Variants in LTA observed in about 807,000 individuals in gnomAD.
LTA encodes the protein lymphotoxin-alpha.
Under a neutral mutation model 15.1 loss-of-function variants are expected in LTA, and 6 were observed. That is an observed-to-expected ratio of 0.40 (90% CI 0.22 to 0.78). The LOEUF is 0.78. Ranked by LOEUF, LTA falls within the 30% of genes least tolerant of loss-of-function variation. The probability of loss-of-function intolerance (pLI) is 0.38; values close to 1 mark genes in which losing one functional copy is unlikely to be tolerated. For synonymous variants in LTA, 87 were observed against 107.3 expected (o/e 0.81, Z 1.17); for missense variants, 173 against 249.5 (o/e 0.69, Z 2.06).
At chr6:31,564,593 G>T in the LTA span, among the ~76,000 whole-genome samples, 3 of 151,538 alleles carry the variant, frequency 2.0e-5, no homozygotes, top group Non-Finnish European at 4.4e-5. Context: ...GATCTTTGTG[G>T]CTTTTAAAGT....
At chr6:31,562,854 AG>A in the LTA span, among the ~76,000 whole-genome samples, 5 of 64,632 alleles carry the variant, frequency 7.7e-5, no homozygotes, top group South Asian at 6.8e-4. Flanking sequence ...AGCGAGACTC[AG>A]TCTCAAAAAA....
At chr6:31,572,642 G>GCCGTATCATTAAAAAAAC in intron 1 of LTA, 92 bp from the exon 2 acceptor site, 2 of 828,696 alleles carry the variant, frequency 2.4e-6, no homozygotes, top group Non-Finnish European at 4.0e-6. Context: ...CTCGGGGGTC[G>GCCGTATCATTAAAAAAAC]GGGGGTGCTC....
In LTA at chr6:31,572,773, A is replaced by G; in HGVS notation, c.31A>G (p.Arg11Gly). The change falls in exon 2 of 4, where the codon AGG (arginine) becomes GGG (glycine). Residue 11 changes from arginine to glycine, a missense_variant. Coordinates refer to ENST00000418386, the MANE Select transcript of LTA (RefSeq NM_000595.4). MTPPERLFLPRVCGTTLHLLL... is the reference protein window; with the variant it reads MTPPERLFLPGVCGTTLHLLL... ...ACCACCTGAACGTCTCTTCCTCCCA[A>G]GGGTGTGTGGCACCACCCTACACCT... 1 of 1,608,218 alleles carries G rather than the reference A, an allele frequency of 6.2e-7. No individual in the cohort carries two copies.
upstream of LTA, chr6:31,572,182 C>T (rs950481450): frequency 2.4e-5 from 4 of 163,562 alleles, no homozygotes; most frequent in Non-Finnish European, 5.3e-5. Flanking sequence ...TCTTCTAAGC[C>T]CTGGGGGCTT....
chr6:31,573,510 T>A lies in LTA; in HGVS notation c.435T>A (p.His145Gln), dbSNP rs1286641867. Residue 145 changes from histidine to glutamine, a missense_variant, in exon 4 of 4, where the codon CAT becomes CAA. Physicochemically the swap from His to Gln is conservative, Grantham distance 24 (BLOSUM62 0). Coordinates refer to ENST00000418386, the MANE Select transcript of LTA (RefSeq NM_000595.4). The stretch of plus-strand genomic sequence containing the variant: ...TCTTCTCCTCCCAGTACCCCTTCCA[T>A]GTGCCTCTCCTCAGCTCCCAGAAGA... ...VQLFSSQYPF[H>Q]VPLLSSQKMV... is the part of the protein sequence containing the mutation. 8.7e-6 allele frequency: 14 copies of A among 1,613,904 alleles called. No individual in the cohort carries two copies. The highest frequency in any genetic ancestry group is 1.2e-5 in the Non-Finnish European group (14 of 1,179,974).
At chr6:31,572,635 G>T in intron 1 of LTA, 99 bp from the exon 2 acceptor site, 1 of 779,038 alleles carries the variant, frequency 1.3e-6, no homozygotes, top group East Asian at 2.5e-5. Flanking sequence ...TCTCTCTCTC[G>T]GGGGTCGGGG....
chr6:31,571,628 A>C (rs938525727), upstream of LTA, among the ~76,000 whole-genome samples: 3 of 152,248 alleles, frequency 2.0e-5, no homozygotes, highest in African/African-American at 7.2e-5. Flanking sequence ...AGACCTCATC[A>C]TACTTGACTG....
At chr6:31,562,120 C>G in the LTA span, among the ~76,000 whole-genome samples, 2 of 148,430 alleles carry the variant, frequency 1.3e-5, no homozygotes, top group Non-Finnish European at 1.5e-5. Flanking sequence ...GCACGGGGGG[C>G]GGGGGATGCC....
In LTA at chr6:31,572,807, T is replaced by C; in HGVS notation, c.65T>C (p.Leu22Pro). 6.2e-7 allele frequency: 1 copy of C among 1,611,580 alleles called. No homozygotes were observed. The highest frequency in any genetic ancestry group is 1.1e-5 in the South Asian group (1 of 91,070). The change falls in exon 2 of 4, where the codon CTG (leucine) becomes CCG (proline). Residue 22 changes from leucine to proline, a missense_variant. Physicochemically the swap from Leu to Pro is moderately conservative, Grantham distance 98 (BLOSUM62 -3). Coordinates refer to ENST00000418386, the MANE Select transcript of LTA (RefSeq NM_000595.4). ...GGCACCACCCTACACCTCCTCCTTC[T>C]GGGGCTGCTGCTGGTTCTGCTGCCT... ...VCGTTLHLLL[L>P]GLLLVLLPGA...
At chr6:31,571,694 C>T (rs1770834620), upstream of LTA, among the ~76,000 whole-genome samples, 3 of 150,538 alleles carry the variant, frequency 2.0e-5, no homozygotes, top group African/African-American at 7.3e-5. Context: ...AACTAGGACA[C>T]TTTCAAGAGT....
rs201930153 is a variant in LTA at position 31,573,582 on chromosome 6, C to T, written c.507C>T (p.His169=). 11 of 1,614,042 alleles carry T rather than the reference C, an allele frequency of 6.8e-6. No homozygotes were observed. Among genetic ancestry groups the T allele is most frequent in the African/African-American group, 2.7e-5 (2 of 74,902 alleles). The stretch of plus-strand genomic sequence containing the variant: ...AACCCTGGCTGCACTCGATGTACCA[C>T]GGGGCTGCGTTCCAGCTCACCCAGG... ...LQEPWLHSMY[H]GAAFQLTQGD... The change falls in exon 4 of 4, where the codon CAC becomes CAT. Residue 169 remains histidine (H), a synonymous_variant. Transcript: ENST00000418386.
the LTA span, among the ~76,000 whole-genome samples, chr6:31,564,634 G>A: frequency 3.5e-3 from 526 of 151,654 alleles, 4 homozygotes; most frequent in African/African-American, 0.012. Context: ...GGCCGGGTGC[G>A]GTGGGTCATG....
the LTA span, among the ~76,000 whole-genome samples, chr6:31,566,759 A>G: frequency 2.0e-5 from 3 of 150,892 alleles, no homozygotes; most frequent in African/African-American, 7.3e-5. Context: ...CCTGGCCAAG[A>G]TGGTGTACTT....
chr6:31,568,932 CTTTAA>C (rs1023409260), upstream of LTA, among the ~76,000 whole-genome samples: 11 of 152,162 alleles, frequency 7.2e-5, no homozygotes, highest in East Asian at 1.2e-3. The surrounding 1 kb of genome is among the most constrained non-coding windows in gnomAD (Gnocchi z 4.1). Flanking sequence ...CATTCTTCCT[CTTTAA>C]TTTAAATTTC....
chr6:31,565,723 A>G, the LTA span, among the ~76,000 whole-genome samples: 5 of 152,052 alleles, frequency 3.3e-5, no homozygotes, highest in Non-Finnish European at 7.4e-5. Context: ...CCATCAATCC[A>G]TCATCTAGTC....
At chr6:31,569,218 C>T (rs1272636627), upstream of LTA, among the ~76,000 whole-genome samples, 9 of 152,108 alleles carry the variant, frequency 5.9e-5, no homozygotes, top group African/African-American at 9.7e-5. Flanking sequence ...ACCGTATTAG[C>T]CAGGATTGTC....
chr6:31,567,865 T>C (rs1258158399), upstream of LTA, among the ~76,000 whole-genome samples: 1 of 152,034 alleles, frequency 6.6e-6, no homozygotes, highest in Non-Finnish European at 1.5e-5. Context: ...CTGTTTGTCG[T>C]CAACACCCCC....
the LTA span, among the ~76,000 whole-genome samples, chr6:31,564,995 A>G: frequency 6.6e-6 from 1 of 152,204 alleles, no homozygotes; most frequent in Admixed American, 6.5e-5. Context: ...TAAGAGCATA[A>G]TAAATATTTT....
the LTA span, among the ~76,000 whole-genome samples, chr6:31,562,224 A>G: frequency 6.6e-6 from 1 of 152,028 alleles, no homozygotes; most frequent in Non-Finnish European, 1.5e-5. Context: ...GACGATTACA[A>G]ATTTTGAGAA....
Sources: gnomAD v4.1 joint callset for allele counts (sites outside exome capture counted in the v4.1 genomes callset) on GRCh38, gnomAD v4.1.1 for gene constraint, Gnocchi (gnomAD v3.1) non-coding constraint, MANE v1.5 for transcripts, NCBI Gene and HGNC (gene_info 2026-07-23, HGNC 2026-07-21) for gene names.